SPAG16: variants seen among roughly 807,000 people sequenced by gnomAD.
SPAG16 encodes sperm associated antigen 16.
Under a neutral mutation model 80.4 loss-of-function variants are expected in SPAG16, and 86 were observed. That is an observed-to-expected ratio of 1.07 (90% confidence interval 0.90 to 1.28). The LOEUF (loss-of-function observed/expected upper bound fraction) is 1.28. Among genes scored for constraint, SPAG16 ranks in the 50% most tolerant of loss-of-function variants. The pLI, the probability that SPAG16 is intolerant of heterozygous loss-of-function variation, is 0.00. For synonymous variants in SPAG16, 294 were observed against 265.9 expected (o/e 1.11, Z -1.03); for missense variants, 870 against 765.3 (o/e 1.14, Z -1.61).
chr2:213,915,841 T>A (rs2077933830), intron 11 of SPAG16, among the ~76,000 whole-genome samples: 1 of 152,204 alleles, frequency 6.6e-6, no homozygotes, highest in African/African-American at 2.4e-5. Context: ...TATCTCATAG[T>A]GGTTTAGATT....
At chr2:213,746,784 G>T (rs969423616) in intron 10 of SPAG16, among the ~76,000 whole-genome samples, 2 of 152,086 alleles carry the variant, frequency 1.3e-5, no homozygotes, top group African/African-American at 4.8e-5. Context: ...TCCAGCCTGG[G>T]CGACAGAGCA....
chr2:213,565,874 C>T (rs2059744870), intron 10 of SPAG16, among the ~76,000 whole-genome samples: 2 of 152,074 alleles, frequency 1.3e-5, no homozygotes, highest in African/African-American at 4.8e-5. Context: ...GCAATGATAA[C>T]GATTGTTGAA....
chr2:214,070,530 C>T (rs547365888), intron 13 of SPAG16, among the ~76,000 whole-genome samples: 1 of 151,984 alleles, frequency 6.6e-6, no homozygotes, highest in East Asian at 1.9e-4. Flanking sequence ...TTTTTCTAGT[C>T]GGTTCCAGCC....
At chr2:213,599,554 T>C (rs2060991182) in intron 10 of SPAG16, among the ~76,000 whole-genome samples, 1 of 152,226 alleles carries the variant, frequency 6.6e-6, no homozygotes, top group Non-Finnish European at 1.5e-5. Context: ...GAATAACATT[T>C]TCTTTTCTAT....
intron 10 of SPAG16, among the ~76,000 whole-genome samples, chr2:213,596,976 C>T (rs1217289318): frequency 2.0e-5 from 3 of 151,932 alleles, no homozygotes; most frequent in African/African-American, 4.8e-5. Context: ...AAGCATTTTG[C>T]GGAGACTTAT....
At chr2:213,540,016 A>G (rs1452068381) in intron 10 of SPAG16, among the ~76,000 whole-genome samples, 1 of 147,652 alleles carries the variant, frequency 6.8e-6, no homozygotes, top group Non-Finnish European at 1.5e-5. Flanking sequence ...CAATGATACC[A>G]TTATATTTCT....
chr2:213,504,252 G>A (rs756555068), intron 10 of SPAG16, among the ~76,000 whole-genome samples: 1 of 152,176 alleles, frequency 6.6e-6, no homozygotes, highest in Non-Finnish European at 1.5e-5. Context: ...GCAGTGTGTA[G>A]AGAGGGAAGG....
chr2:213,714,107 G>C (rs1184130989), intron 10 of SPAG16, among the ~76,000 whole-genome samples: 1 of 152,164 alleles, frequency 6.6e-6, no homozygotes, highest in Non-Finnish European at 1.5e-5. Flanking sequence ...TTGGATCCCT[G>C]GTAAATCCTG....
chr2:213,898,254 T>A (rs1484544049), intron 11 of SPAG16, among the ~76,000 whole-genome samples: 2 of 152,200 alleles, frequency 1.3e-5, no homozygotes, highest in Non-Finnish European at 2.9e-5. Context: ...GATGTTCTAA[T>A]TTATCTTATT....
At chr2:214,226,750 A>T (rs2058706989) in intron 15 of SPAG16, among the ~76,000 whole-genome samples, 2 of 152,080 alleles carry the variant, frequency 1.3e-5, no homozygotes, top group South Asian at 4.1e-4. Context: ...GATACAAGAC[A>T]TGAAATTCAA....
intron 11 of SPAG16, among the ~76,000 whole-genome samples, chr2:213,923,449 T>C (rs914904721): frequency 2.0e-5 from 3 of 152,186 alleles, no homozygotes; most frequent in African/African-American, 7.2e-5. Flanking sequence ...CAGCAAGTGT[T>C]GCCTGCCTTG....
intron 10 of SPAG16, among the ~76,000 whole-genome samples, chr2:213,700,950 T>C (rs1021979235): frequency 6.6e-6 from 1 of 151,828 alleles, no homozygotes; most frequent in South Asian, 2.1e-4. Flanking sequence ...GAGTTCAAGA[T>C]CAGCCTGGTG....
intron 10 of SPAG16, among the ~76,000 whole-genome samples, chr2:213,677,062 C>G (rs2064121086): frequency 6.6e-6 from 1 of 152,068 alleles, no homozygotes; most frequent in Admixed American, 6.6e-5. Flanking sequence ...ATTTCAGCTC[C>G]TGTTATTGGT....
chr2:214,371,887 G>A (rs985934744), intron 15 of SPAG16, among the ~76,000 whole-genome samples: 1 of 151,676 alleles, frequency 6.6e-6, no homozygotes, highest in African/African-American at 2.4e-5. Context: ...CACCATGTTG[G>A]CCAGGCTGGT....
intron 10 of SPAG16, among the ~76,000 whole-genome samples, chr2:213,721,669 CATGT>C (rs1392114041): frequency 6.6e-6 from 1 of 151,978 alleles, no homozygotes; most frequent in Non-Finnish European, 1.5e-5. Context: ...AATCATACTG[CATGT>C]GTATTTTGTT....
chr2:213,838,653 C>T (rs573264850), intron 10 of SPAG16, among the ~76,000 whole-genome samples: 1 of 152,194 alleles, frequency 6.6e-6, no homozygotes, highest in Non-Finnish European at 1.5e-5. Context: ...ATGAATGTTC[C>T]GATGAGGTGA....
At chr2:213,760,676 GATAGTT>G (rs1217622310) in intron 10 of SPAG16, among the ~76,000 whole-genome samples, 1 of 152,126 alleles carries the variant, frequency 6.6e-6, no homozygotes, top group Non-Finnish European at 1.5e-5. Flanking sequence ...AGATTGAAAA[GATAGTT>G]ATAGAAAGTA....
intron 10 of SPAG16, among the ~76,000 whole-genome samples, chr2:213,733,871 C>G (rs1485026680): frequency 6.6e-6 from 1 of 152,172 alleles, no homozygotes; most frequent in East Asian, 1.9e-4. Context: ...GATGGAGCAA[C>G]TTGCAAGCTC....
chr2:213,812,579 A>G (rs1344898470), intron 10 of SPAG16, among the ~76,000 whole-genome samples: 1 of 152,216 alleles, frequency 6.6e-6, no homozygotes, highest in Non-Finnish European at 1.5e-5. Flanking sequence ...AGGGCAGTGC[A>G]TTAGTTCATG....
Sources: allele counts gnomAD v4.1 joint callset (sites outside exome capture counted in the v4.1 genomes callset), GRCh38; gene constraint gnomAD v4.1.1; transcripts MANE v1.5; gene names NCBI Gene and HGNC (gene_info 2026-07-23, HGNC 2026-07-21).